Variants in PGS1 observed in about 807,000 individuals in gnomAD.
PGS1 encodes CDP-diacylglycerol--glycerol-3-phosphate 3-phosphatidyltransferase, mitochondrial.
PGS1 carries 44 observed loss-of-function variants against 58.3 expected under a neutral mutation model. That is an observed-to-expected ratio of 0.75 (90% confidence interval 0.59 to 0.97). The LOEUF is 0.97. Among genes scored for constraint, PGS1 ranks in the 50% least tolerant of loss-of-function variants. The pLI is 0.00. For missense variants in PGS1, 684 were observed against 731.1 expected, an observed-to-expected ratio of 0.94 and a Z score of 0.74; for synonymous variants, 330 against 311.0, an observed-to-expected ratio of 1.06 and a Z score of -0.64.
intron 1 of PGS1, among the ~76,000 whole-genome samples, chr17:78,390,062 T>TCCCCCCCCCCCC (rs1555628316): frequency 7.8e-6 from 1 of 128,598 alleles, no homozygotes; most frequent in South Asian, 2.6e-4. Flanking sequence ...TGTTGCCTGT[T>TCCCCCCCCCCCC]CCCCCGCCCC....
chr17:78,420,296 C>A, intron 9 of PGS1: 1 of 899,656 alleles, frequency 1.1e-6, no homozygotes, highest in Non-Finnish European at 1.3e-6. Flanking sequence ...TCACCAGAGG[C>A]ACCAGTGGGG....
chr17:78,396,348 C>T lies in PGS1; in HGVS notation c.374C>T (p.Ser125Phe), dbSNP rs753854770. The change falls in exon 3 of 10, where the codon TCC becomes TTC. Residue 125 changes from serine to phenylalanine, a missense_variant. Coordinates refer to ENST00000262764, the MANE Select transcript of PGS1 (RefSeq NM_024419.5). Reference sequence around the variant, plus strand: ...GCCAAGAGGCGGGTCGTGATGGCATCCCTCTACCTGGGGACAGGTCCTTTG... The same window carrying T: ...GCCAAGAGGCGGGTCGTGATGGCATTCCTCTACCTGGGGACAGGTCCTTTG... The part of the protein sequence containing the change: ...RVAKRRVVMA[S>F]LYLGTGPLEQ... The T allele has an allele frequency of 6.2e-7, 1 of 1,613,642 alleles. No homozygotes were observed. The highest frequency in any genetic ancestry group is 8.5e-7 in the Non-Finnish European group (1 of 1,179,734).
chr17:78,381,512 T>C (rs1482037170), intron 1 of PGS1, among the ~76,000 whole-genome samples: 1 of 152,212 alleles, frequency 6.6e-6, no homozygotes, highest in Non-Finnish European at 1.5e-5. Context: ...TCATGTTTGT[T>C]GTGGCTGCTT....
At chr17:78,384,863 A>T (rs962801629) in intron 1 of PGS1, among the ~76,000 whole-genome samples, 11 of 152,236 alleles carry the variant, frequency 7.2e-5, no homozygotes, top group Non-Finnish European at 1.5e-4. Flanking sequence ...CACCGGGAGA[A>T]GATGTGGAAG....
intron 1 of PGS1, among the ~76,000 whole-genome samples, chr17:78,388,822 T>C (rs1426458192): frequency 6.6e-6 from 1 of 152,172 alleles, no homozygotes; most frequent in African/African-American, 2.4e-5. Context: ...ATGCACTATT[T>C]GGACATTGAT....
chr17:78,398,957 A>T (rs6501208), intron 4 of PGS1, among the ~76,000 whole-genome samples: 92,923 of 152,060 alleles, frequency 0.61, 28,509 homozygotes, highest in Admixed American at 0.65. Flanking sequence ...TGTGCCGAGT[A>T]GCCCAGCCCA....
At chr17:78,398,163 G>T in intron 3 of PGS1, 89 bp from the exon 4 acceptor site, 1 of 905,818 alleles carries the variant, frequency 1.1e-6, no homozygotes. Flanking sequence ...AAGATGACGA[G>T]GGCACTAGCC....
intron 7 of PGS1, among the ~76,000 whole-genome samples, chr17:78,409,180 G>A (rs2084413549): frequency 6.6e-6 from 1 of 152,250 alleles, no homozygotes; most frequent in African/African-American, 2.4e-5. Context: ...CAGGAACCAT[G>A]CTGTGCTGAG....
rs539022818 is a variant in PGS1, at chr17:78,413,461, C to G, written c.1403-1418C>G. ...GAGCCCGTGGCCACCTGCTTGCCCT[C>G]ACTCACAGCTGCTCACACCACTTAA... is the stretch of plus-strand genomic sequence containing the variant. On this transcript the variant is annotated intron_variant, in intron 7 of 9. Transcript: ENST00000262764. 2.6e-5 allele frequency among the ~76,000 whole-genome samples: 4 copies of G among 152,264 alleles called. No individual in the cohort carries two copies. The South Asian group carries it at 8.3e-4, about 32-fold the overall frequency.
chr17:78,402,397 CATATATATATAT>C lies in PGS1; in HGVS notation c.881-1151_881-1140del, dbSNP rs10599132. ...CATTTTCATTCTAGTAATTTCTATT[CATATATATATAT>C]ATATATATATATATATATACACACA... On this transcript the variant is annotated intron_variant, in intron 6 of 9. Coordinates refer to ENST00000262764, the MANE Select transcript of PGS1 (RefSeq NM_024419.5). Among the ~76,000 whole-genome samples the C allele has an allele frequency of 4.2e-3, 460 of 108,364 alleles. 4 individuals carry two copies. The highest frequency in any genetic ancestry group is 0.027 in the East Asian group (117 of 4,270). The allele number at this position is 108,364 out of a possible 152,430, so 71.1% of individuals were successfully genotyped here.
intron 7 of PGS1, among the ~76,000 whole-genome samples, chr17:78,411,017 A>G (rs1303388526): frequency 1.5e-4 from 23 of 152,196 alleles, no homozygotes; most frequent in Admixed American, 1.5e-3. Context: ...AGCTACGAAG[A>G]GCAGAGCAAG....
chr17:78,396,442 A>T, intron 3 of PGS1, 57 bp downstream of exon 3: 1 of 1,269,546 alleles, frequency 7.9e-7, no homozygotes, highest in Non-Finnish European at 1.1e-6. Context: ...CCAACATGCC[A>T]CAGCTTTTTG....
intron 6 of PGS1, 146 bp from the exon 7 acceptor site, chr17:78,403,422 G>C (rs1207615001): frequency 2.3e-6 from 2 of 877,602 alleles, no homozygotes; most frequent in African/African-American, 3.4e-5. Flanking sequence ...CTCTGGGCTT[G>C]GGGTCCTGGG....
At chr17:78,394,684 T>G (rs2083095975) in intron 2 of PGS1, among the ~76,000 whole-genome samples, 2 of 152,074 alleles carry the variant, frequency 1.3e-5, no homozygotes, top group Admixed American at 1.3e-4. Context: ...GCCTCCTTAG[T>G]AGCTGGGATT....
intron 5 of PGS1, chr17:78,399,954 T>C: frequency 8.0e-6 from 2 of 250,154 alleles, no homozygotes; most frequent in South Asian, 4.7e-5. Flanking sequence ...TCACAGGCCC[T>C]CCCCTCGGCA....
intron 4 of PGS1, among the ~76,000 whole-genome samples, 174 bp downstream of exon 4, chr17:78,398,525 C>T (rs1257824488): frequency 6.6e-6 from 1 of 152,192 alleles, no homozygotes; most frequent in Admixed American, 6.5e-5. Flanking sequence ...CAGCAAGTGA[C>T]TGAAAGCCCA....
chr17:78,395,167 T>G (rs577545301), intron 2 of PGS1, among the ~76,000 whole-genome samples: 115 of 152,342 alleles, frequency 7.5e-4, no homozygotes, highest in Middle Eastern at 3.4e-3. Context: ...CTGGTCCCCA[T>G]GTCTTCATTA....
intron 7 of PGS1, among the ~76,000 whole-genome samples, chr17:78,406,731 T>C (rs565384250): frequency 6.6e-6 from 1 of 152,318 alleles, no homozygotes; most frequent in South Asian, 2.1e-4. Context: ...TTGAAAGAGT[T>C]GGCCAGTGGG....
At chr17:78,387,252 T>C (rs62075739) in intron 1 of PGS1, among the ~76,000 whole-genome samples, 22,878 of 151,710 alleles carry the variant, frequency 0.15, 2,026 homozygotes, top group African/African-American at 0.25. Flanking sequence ...GATCTGACTG[T>C]GCAGGCCTAC....
Sources: allele counts gnomAD v4.1 joint callset (sites outside exome capture counted in the v4.1 genomes callset), GRCh38; gene constraint gnomAD v4.1.1; transcripts MANE v1.5; gene names NCBI Gene and HGNC (gene_info 2026-07-23, HGNC 2026-07-21).